Variants in NRIP1 observed in about 807,000 individuals in gnomAD.
NRIP1 encodes nuclear receptor interacting protein 1.
A neutral mutation model predicts 75.0 loss-of-function variants in NRIP1; 28 were observed. That is an observed-to-expected ratio of 0.37 (90% CI 0.28 to 0.51). NRIP1 has a LOEUF of 0.51. NRIP1 is among the 20% of genes least tolerant of loss of function. The pLI, the probability that NRIP1 is intolerant of heterozygous loss-of-function variation, is 0.92. For missense variants in NRIP1, 1,435 were observed against 1,343.7 expected (o/e 1.07, Z -1.06); for synonymous variants, 526 against 487.6 (o/e 1.08, Z -1.04).
At chr21:15,042,902 T>TC (rs541091930) in intron 2 of NRIP1, among the ~76,000 whole-genome samples, 229 of 152,324 alleles carry the variant, frequency 1.5e-3, no homozygotes, top group Non-Finnish European at 3.0e-3. Flanking sequence ...TAGTAATATG[T>TC]CACATGTCCT....
At chr21:15,051,834 T>G (rs749986526) in intron 1 of NRIP1, 1 of 152,230 alleles carries the variant, frequency 6.6e-6, no homozygotes, top group Non-Finnish European at 1.5e-5. Context: ...TGCTGCCCTT[T>G]GCACAAAATA....
chr21:15,014,236 A>T, intron 3 of NRIP1, 108 bp downstream of exon 3: 1 of 385,712 alleles, frequency 2.6e-6, no homozygotes, highest in Non-Finnish European at 4.6e-6. Context: ...GAAGTACATA[A>T]TACATATTTT....
At position 14,990,621 on chromosome 21, in the gene NRIP1, A is replaced by G. The variant is rs188597354; in HGVS notation, c.-334-22095T>C. Reference sequence around the variant, plus strand: ...ACAGCCAAGAGGTAATGAAATCTTAAAAGAGATGCTGGTGTTCAAGCTATA... The same window carrying G: ...ACAGCCAAGAGGTAATGAAATCTTAGAAGAGATGCTGGTGTTCAAGCTATA... On this transcript the variant is annotated intron_variant, in intron 3 of 3. Coordinates refer to ENST00000318948, the MANE Select transcript of NRIP1 (RefSeq NM_003489.4). Among the ~76,000 whole-genome samples, 148 of 152,358 alleles carry G rather than the reference A, an allele frequency of 9.7e-4. 1 individual carries two copies. Among genetic ancestry groups the G allele is most frequent in the African/African-American group, 3.3e-3 (139 of 41,592 alleles).
rs1383399284 is a variant in NRIP1, at chr21:15,018,348, T to C, written c.-457-3882A>G. 2.0e-5 allele frequency among the ~76,000 whole-genome samples: 3 copies of C among 152,008 alleles called. No homozygotes were observed. In the South Asian group the frequency reaches 6.2e-4, roughly 32 times the overall value. On this transcript the variant is annotated intron_variant, in intron 2 of 3. Coordinates refer to ENST00000318948, the MANE Select transcript of NRIP1 (RefSeq NM_003489.4). The stretch of plus-strand genomic sequence containing the variant: ...ATGAATAAGACGAACACAGTTCCCA[T>C]GGGAAAGAGACAGGAAAGAAGCAAA...
chr21:14,961,527 A>T lies in NRIP1; in HGVS notation c.*3189T>A, dbSNP rs1033142844. On this transcript the variant is annotated 3_prime_UTR_variant, in exon 4 of 4. Coordinates refer to ENST00000318948, the MANE Select transcript of NRIP1 (RefSeq NM_003489.4). ...GCAATGGGATTAAAAAATTCATGAAAGTAGTTGTGTGAATTCTTTATGTTT... is the reference window on the plus strand; with the variant it reads ...GCAATGGGATTAAAAAATTCATGAATGTAGTTGTGTGAATTCTTTATGTTT... The T allele has an allele frequency of 1.3e-5, 2 of 152,450 alleles. No homozygotes were observed. The highest frequency in any genetic ancestry group is 2.9e-5 in the Non-Finnish European group (2 of 67,904). The allele number at this position is 152,450 out of a possible 1,614,324, so 9.4% of individuals were successfully genotyped here. A position where few individuals can be genotyped will look rare whatever the true frequency, so the allele number is the denominator to read the frequency against.
At chr21:15,025,253 C>T (rs895235904) in intron 2 of NRIP1, among the ~76,000 whole-genome samples, 10 of 151,894 alleles carry the variant, frequency 6.6e-5, no homozygotes, top group African/African-American at 2.4e-4. Context: ...TAAAGTAACA[C>T]TAAGGATCAT....
chr21:15,009,861 C>T (rs2088061196), intron 3 of NRIP1, among the ~76,000 whole-genome samples: 2 of 151,848 alleles, frequency 1.3e-5, no homozygotes, highest in African/African-American at 4.8e-5. Flanking sequence ...TTTAAAAAGA[C>T]AATAAAAGTG....
At chr21:15,029,322 G>A (rs543126954) in intron 2 of NRIP1, among the ~76,000 whole-genome samples, 2 of 152,014 alleles carry the variant, frequency 1.3e-5, no homozygotes, top group African/African-American at 4.8e-5. Context: ...CAGGAACTTC[G>A]ACTGGAATAC....
chr21:15,042,327 G>GCC (rs2088974579), intron 2 of NRIP1, among the ~76,000 whole-genome samples: 5 of 152,114 alleles, frequency 3.3e-5, no homozygotes, highest in Admixed American at 3.3e-4. Context: ...AAAAGTTTTT[G>GCC]AGAAGGAAAA....
upstream of NRIP1, among the ~76,000 whole-genome samples, chr21:15,065,298 C>T (rs1270624451): frequency 6.6e-6 from 1 of 151,948 alleles, no homozygotes. Flanking sequence ...AGCGAGAGGA[C>T]CGCGTCCCCG....
chr21:15,034,118 T>C (rs1253726672), intron 2 of NRIP1, among the ~76,000 whole-genome samples: 3 of 152,210 alleles, frequency 2.0e-5, no homozygotes, highest in Non-Finnish European at 4.4e-5. Flanking sequence ...CACCCTGAAT[T>C]TCCCTTACTG....
At chr21:14,980,004 G>A (rs1290456099) in intron 3 of NRIP1, among the ~76,000 whole-genome samples, 8 of 152,104 alleles carry the variant, frequency 5.3e-5, no homozygotes, top group Admixed American at 4.6e-4. Flanking sequence ...TTAGTAGTAT[G>A]CTCTGCAATG....
intron 2 of NRIP1, among the ~76,000 whole-genome samples, chr21:15,034,452 C>G (rs2088786125): frequency 6.6e-6 from 1 of 152,146 alleles, no homozygotes; most frequent in Non-Finnish European, 1.5e-5. Context: ...AAAAGCAAGT[C>G]CATGTGGGAG....
At chr21:15,011,876 A>T (rs2088112449) in intron 3 of NRIP1, among the ~76,000 whole-genome samples, 1 of 152,218 alleles carries the variant, frequency 6.6e-6, no homozygotes, top group Non-Finnish European at 1.5e-5. Flanking sequence ...CAATATGATG[A>T]TTGTATCTCT....
chr21:15,043,652 C>CT (rs1451546747), intron 1 of NRIP1, 78 bp from the exon 2 acceptor site: 1 of 152,082 alleles, frequency 6.6e-6, no homozygotes, highest in Non-Finnish European at 1.5e-5. Flanking sequence ...ATTTTAACTA[C>CT]TAACTAAATC....
intron 1 of NRIP1, among the ~76,000 whole-genome samples, chr21:15,047,239 CTT>C (rs1307286041): frequency 6.6e-6 from 1 of 152,080 alleles, no homozygotes; most frequent in East Asian, 1.9e-4. Flanking sequence ...GGAAAAGCCT[CTT>C]ATAAAACCAT....
At chr21:15,036,601 G>C (rs1021811625) in intron 2 of NRIP1, among the ~76,000 whole-genome samples, 1 of 150,756 alleles carries the variant, frequency 6.6e-6, no homozygotes, top group African/African-American at 2.4e-5. Flanking sequence ...TTTTTGGAGG[G>C]GGGGATATCT....
At chr21:14,975,985 T>G (rs1003167068) in intron 3 of NRIP1, among the ~76,000 whole-genome samples, 3 of 152,116 alleles carry the variant, frequency 2.0e-5, no homozygotes, top group Admixed American at 1.3e-4. Context: ...CATTAAAACT[T>G]CAAAAATGTG....
chr21:14,986,832 T>C (rs1170386180), intron 3 of NRIP1, among the ~76,000 whole-genome samples: 3 of 152,208 alleles, frequency 2.0e-5, no homozygotes, highest in African/African-American at 4.8e-5. Context: ...AAAGAACTTG[T>C]ATCCAATTGG....
Sources: allele counts gnomAD v4.1 joint callset (sites outside exome capture counted in the v4.1 genomes callset), GRCh38; gene constraint gnomAD v4.1.1; transcripts MANE v1.5; gene names NCBI Gene and HGNC (gene_info 2026-07-23, HGNC 2026-07-21).